The following MEF2C variants were observed in gnomAD, a reference collection of about 807,000 sequenced individuals.
MEF2C encodes myocyte enhancer factor 2C.
Under a neutral mutation model 50.5 loss-of-function variants are expected in MEF2C, and 6 were observed. That is an observed-to-expected ratio of 0.12 (90% confidence interval 0.07 to 0.23). The LOEUF (loss-of-function observed/expected upper bound fraction) is 0.23, where lower values mean the gene tolerates loss of function less well. Ranked by LOEUF, MEF2C falls within the 10% of genes least tolerant of loss-of-function variation. MEF2C has a pLI of 1.00. For missense variants in MEF2C, 276 were observed against 605.0 expected (o/e 0.46, Z 5.70); for synonymous variants, 183 against 228.0 (o/e 0.80, Z 1.78).
At chr5:88,879,864 C>T (rs1172608440) in intron 1 of MEF2C, among the ~76,000 whole-genome samples, 2 of 152,114 alleles carry the variant, frequency 1.3e-5, no homozygotes, top group East Asian at 3.8e-4. Context: ...AGTGTCTTGC[C>T]ATTCCTCAAC....
At position 88,773,425 on chromosome 5, in the gene MEF2C, G is replaced by A. The variant is rs550802120; in HGVS notation, c.259-12097C>T. Among the ~76,000 whole-genome samples, 49 of 152,148 alleles carry A rather than the reference G, an allele frequency of 3.2e-4. No individual in the cohort carries two copies. In the East Asian group the frequency reaches 8.5e-3, roughly 26 times the overall value. On this transcript the variant is annotated intron_variant, in intron 3 of 10. Transcript: ENST00000504921. The stretch of plus-strand genomic sequence containing the variant: ...TTAAATTATAAAAGGAAAAAATCAC[G>A]TGGAAGAGAGAGTTAATAGAATTAA...
chr5:88,773,501 T>C (rs1783358637), intron 3 of MEF2C, among the ~76,000 whole-genome samples: 1 of 152,246 alleles, frequency 6.6e-6, no homozygotes, highest in African/African-American at 2.4e-5. Context: ...TATTTCATAT[T>C]GTTGCTATCT....
intron 3 of MEF2C, among the ~76,000 whole-genome samples, chr5:88,785,856 T>C (rs1790594754): frequency 6.6e-6 from 1 of 151,960 alleles, no homozygotes; most frequent in Non-Finnish European, 1.5e-5. Flanking sequence ...AAAAAAAGTA[T>C]CCTGGGGCTA....
At chr5:88,896,631 A>T (rs1835146819) in intron 1 of MEF2C, among the ~76,000 whole-genome samples, 1 of 152,210 alleles carries the variant, frequency 6.6e-6, no homozygotes, top group Admixed American at 6.5e-5. Context: ...AAGAGTATCC[A>T]TATCAAATGG....
At chr5:88,734,924 T>C (rs1763491539) in intron 6 of MEF2C, 8 of 984,822 alleles carry the variant, frequency 8.1e-6, no homozygotes, top group Non-Finnish European at 9.6e-6. Context: ...AAGTTATTTT[T>C]AAGAACAAAT....
intron 1 of MEF2C, among the ~76,000 whole-genome samples, chr5:88,869,284 TATATATATATAC>T (rs1561420625): frequency 0.069 from 5,989 of 87,138 alleles, 276 homozygotes; most frequent in African/African-American, 0.17. Flanking sequence ...TATACATATA[TATATATATATAC>T]ACATATATAT....
At chr5:88,818,266 C>T (rs899678567) in intron 2 of MEF2C, among the ~76,000 whole-genome samples, 4 of 151,860 alleles carry the variant, frequency 2.6e-5, no homozygotes, top group Non-Finnish European at 5.9e-5. Context: ...GAAACAAGCA[C>T]CCCCAAAACC....
chr5:88,731,028 A>G (rs1761279272), intron 7 of MEF2C, among the ~76,000 whole-genome samples: 1 of 152,216 alleles, frequency 6.6e-6, no homozygotes, highest in African/African-American at 2.4e-5. Flanking sequence ...AGAAGAAAGA[A>G]AAATGACAGG....
At chr5:88,739,648 G>C (rs575305169) in intron 6 of MEF2C, 1 of 985,212 alleles carries the variant, frequency 1.0e-6, no homozygotes, top group African/African-American at 1.7e-5. Flanking sequence ...TGCAGTCCTA[G>C]CCTGAATGCC....
At chr5:88,886,498 T>G (rs762452250), upstream of MEF2C, among the ~76,000 whole-genome samples, 1 of 152,188 alleles carries the variant, frequency 6.6e-6, no homozygotes. Context: ...TTCAGTTCGC[T>G]TATGTGTTAA....
In MEF2C at chr5:88,895,816, C is replaced by T. The variant is rs370687454; in HGVS notation, c.-240+8100G>A. 7.9e-5 allele frequency among the ~76,000 whole-genome samples: 12 copies of T among 152,226 alleles called. No individual in the cohort carries two copies. The South Asian group carries it at 2.3e-3, about 29-fold the overall frequency. On this transcript the variant is annotated intron_variant, in intron 1 of 11. Transcript: ENST00000340208. ...CATCCCTCAGCCGCCCCTTTATGTC[C>T]GCGGAATTCTTTCCAACTATGTTCT...
chr5:88,870,018 T>C (rs1388106944), intron 1 of MEF2C, among the ~76,000 whole-genome samples: 1 of 151,692 alleles, frequency 6.6e-6, no homozygotes, highest in East Asian at 1.9e-4. Context: ...TACAATACAT[T>C]TTTTAAACAA....
chr5:88,835,675 T>C (rs150565717), intron 1 of MEF2C, among the ~76,000 whole-genome samples: 2,182 of 151,696 alleles, frequency 0.014, 22 homozygotes, highest in Middle Eastern at 0.027. Flanking sequence ...TAGCCAGGTG[T>C]GGTGGTGGGT....
chr5:88,804,543 G>T, intron 3 of MEF2C, 55 bp downstream of exon 3: 7 of 1,516,620 alleles, frequency 4.6e-6, no homozygotes, highest in Non-Finnish European at 6.4e-6. Flanking sequence ...GGCAGGGGGA[G>T]GTCCAAACTC....
At chr5:88,835,301 A>C (rs1814640683) in intron 1 of MEF2C, among the ~76,000 whole-genome samples, 1 of 152,200 alleles carries the variant, frequency 6.6e-6, no homozygotes, top group South Asian at 2.1e-4. Context: ...TTCATCTCTC[A>C]AAGGACCCAA....
chr5:88,852,050 G>A (rs1821554758), intron 1 of MEF2C, among the ~76,000 whole-genome samples: 1 of 151,998 alleles, frequency 6.6e-6, no homozygotes, highest in African/African-American at 2.4e-5. Flanking sequence ...ATTGTACTTG[G>A]CAGTCATATA....
At chr5:88,819,923 C>T (rs989240936) in intron 2 of MEF2C, among the ~76,000 whole-genome samples, 1 of 151,940 alleles carries the variant, frequency 6.6e-6, no homozygotes, top group Non-Finnish European at 1.5e-5. Context: ...GCTCGCTGAA[C>T]CCCTAAAGCA....
chr5:88,867,446 G>A (rs1160374922), intron 1 of MEF2C, among the ~76,000 whole-genome samples: 4 of 152,112 alleles, frequency 2.6e-5, no homozygotes, highest in Non-Finnish European at 5.9e-5. Flanking sequence ...TTTTACCTCA[G>A]TTTCCTCATC....
intron 10 of MEF2C, 137 bp downstream of exon 10, chr5:88,728,356 T>C (rs1297408447): frequency 1.2e-5 from 8 of 668,248 alleles, no homozygotes; most frequent in East Asian, 7.0e-5. Context: ...AAAGTATTGA[T>C]CTGAAAATTA....
Sources: gnomAD v4.1 joint callset for allele counts (sites outside exome capture counted in the v4.1 genomes callset) on GRCh38, gnomAD v4.1.1 for gene constraint, MANE v1.5 for transcripts, NCBI Gene and HGNC (gene_info 2026-07-23, HGNC 2026-07-21) for gene names.